Variants in PLEKHG1 observed in about 807,000 individuals in gnomAD.
PLEKHG1 encodes pleckstrin homology and RhoGEF domain containing G1, also known as pleckstrin homology domain-containing family G member 1.
In PLEKHG1, 44 loss-of-function variants were observed where a neutral mutation model predicts 100.8. The observed-to-expected ratio is 0.44, with a 90% CI of 0.34 to 0.56. The LOEUF is 0.56. Among genes scored for constraint, PLEKHG1 ranks in the 20% least tolerant of loss-of-function variants. The probability of loss-of-function intolerance (pLI) is 0.01; values close to 1 mark genes in which losing one functional copy is unlikely to be tolerated. For missense variants in PLEKHG1, 1,545 were observed against 1,720.9 expected (o/e 0.90, Z 1.81); for synonymous variants, 640 against 662.5 (o/e 0.97, Z 0.52).
intron 4 of PLEKHG1, among the ~76,000 whole-genome samples, chr6:150,788,118 T>G (rs1785743382): frequency 6.6e-6 from 1 of 152,236 alleles, no homozygotes; most frequent in Non-Finnish European, 1.5e-5. Flanking sequence ...ATTATTCACA[T>G]AAAAGTTTGT....
chr6:150,654,087 C>G (rs965217114), intron 3 of PLEKHG1, among the ~76,000 whole-genome samples: 2 of 152,180 alleles, frequency 1.3e-5, no homozygotes, highest in Non-Finnish European at 2.9e-5. Flanking sequence ...GTTTCACCTA[C>G]CCTGGTTATT....
At chr6:150,766,266 C>T (rs1044400061) in intron 2 of PLEKHG1, among the ~76,000 whole-genome samples, 23 of 152,300 alleles carry the variant, frequency 1.5e-4, no homozygotes, top group African/African-American at 5.5e-4. Flanking sequence ...TAGTTGTTAA[C>T]AGCAGGGTAA....
chr6:150,612,146 A>G (rs1225287525), intron 1 of PLEKHG1, among the ~76,000 whole-genome samples: 1 of 145,306 alleles, frequency 6.9e-6, no homozygotes, highest in African/African-American at 2.5e-5. Context: ...CCAGTCAGTT[A>G]GCAATAACTG....
At chr6:150,677,331 C>CT (rs2128587775) in intron 3 of PLEKHG1, among the ~76,000 whole-genome samples, 1 of 152,054 alleles carries the variant, frequency 6.6e-6, no homozygotes, top group East Asian at 1.9e-4. Context: ...CCACCAGTTT[C>CT]TACCCTACTG....
chr6:150,692,670 A>T (rs562184485), intron 3 of PLEKHG1, among the ~76,000 whole-genome samples: 1 of 152,260 alleles, frequency 6.6e-6, no homozygotes, highest in Non-Finnish European at 1.5e-5. Context: ...AAGGGAGAGT[A>T]TAGAGTAAGC....
intron 10 of PLEKHG1, among the ~76,000 whole-genome samples, chr6:150,810,875 C>T (rs962390848): frequency 8.6e-5 from 13 of 151,456 alleles, no homozygotes; most frequent in Admixed American, 1.3e-4. Context: ...AAGCCGAGAT[C>T]GTGCCATTGC....
chr6:150,693,059 G>T (rs971560599), intron 3 of PLEKHG1, among the ~76,000 whole-genome samples: 2 of 152,116 alleles, frequency 1.3e-5, no homozygotes, highest in East Asian at 1.9e-4. Context: ...CTGTTCCTGC[G>T]GTTGGATCAC....
intron 1 of PLEKHG1, among the ~76,000 whole-genome samples, chr6:150,636,566 C>T (rs938951236): frequency 4.6e-5 from 7 of 151,992 alleles, no homozygotes; most frequent in African/African-American, 1.7e-4. Context: ...AGACATGGCC[C>T]CTGGACAGGA....
rs183178028 is a variant in PLEKHG1, at chr6:150,750,919, G to C, written c.411+16827G>C. 1.7e-3 allele frequency among the ~76,000 whole-genome samples: 262 copies of C among 152,212 alleles called. 1 individual carries two copies. The highest frequency in any genetic ancestry group is 3.1e-3 in the Non-Finnish European group (212 of 68,014). ...GGCCCAGCCATTTCCCTGTTTGACTGGACAAGTTACTAAACTTTTCAATTT... is the reference window on the plus strand; with the variant it reads ...GGCCCAGCCATTTCCCTGTTTGACTCGACAAGTTACTAAACTTTTCAATTT... On this transcript the variant is annotated intron_variant, in intron 2 of 15. Coordinates refer to ENST00000358517, the Ensembl canonical transcript of PLEKHG1.
intron 3 of PLEKHG1, among the ~76,000 whole-genome samples, chr6:150,703,974 G>A (rs1780903980): frequency 6.6e-6 from 1 of 152,168 alleles, no homozygotes; most frequent in East Asian, 1.9e-4. Context: ...AGTCTTTTCA[G>A]TTTGACATAG....
intron 1 of PLEKHG1, among the ~76,000 whole-genome samples, chr6:150,604,948 G>A (rs1776527506): frequency 6.6e-6 from 1 of 152,168 alleles, no homozygotes; most frequent in Admixed American, 6.5e-5. Context: ...TGTATACCCT[G>A]TGTCCTTGCC....
chr6:150,609,057 A>T (rs1354435254), intron 1 of PLEKHG1, among the ~76,000 whole-genome samples: 1 of 152,232 alleles, frequency 6.6e-6, no homozygotes, highest in Non-Finnish European at 1.5e-5. Context: ...TAGGTGTTAG[A>T]AGAAGGGCGT....
At position 150,683,402 on chromosome 6, in the gene PLEKHG1, G is replaced by A. The variant is rs999260482; in HGVS notation, c.-99+32616G>A. On this transcript the variant is annotated intron_variant, in intron 3 of 3. Transcript: ENST00000367326. The surrounding 1 kb of genome is among the most constrained non-coding windows in gnomAD (Gnocchi z 4.0). ...TGTATATTACAATAAGACAGGTTCC[G>A]GAGGGAAATGACTTCATGGGCTCAC... 2.0e-5 allele frequency among the ~76,000 whole-genome samples: 3 copies of A among 151,856 alleles called. No individual in the cohort carries two copies. Among genetic ancestry groups the A allele is most frequent in the East Asian group, 1.9e-4 (1 of 5,132 alleles).
At chr6:150,735,565 A>G (rs975551844) in intron 2 of PLEKHG1, among the ~76,000 whole-genome samples, 3 of 152,246 alleles carry the variant, frequency 2.0e-5, no homozygotes, top group African/African-American at 4.8e-5. Flanking sequence ...GTAAAAATAG[A>G]AAAGTCAATT....
At chr6:150,825,354 T>TCC (rs1776538072) in intron 14 of PLEKHG1, among the ~76,000 whole-genome samples, 1 of 152,048 alleles carries the variant, frequency 6.6e-6, no homozygotes, top group Non-Finnish European at 1.5e-5. Context: ...GGTTGGCAGA[T>TCC]CACTTTGAGC....
At chr6:150,810,543 A>AAAGAAAGAAAAAGAAAGAAAGAAAGG (rs754046929) in intron 10 of PLEKHG1, among the ~76,000 whole-genome samples, 2 of 146,818 alleles carry the variant, frequency 1.4e-5, no homozygotes, top group Non-Finnish European at 3.0e-5. Context: ...AGAAAGGAAG[A>AAAGAAAGAAAAAGAAAGAAAGAAAGG]AAGGAAGGAA....
At chr6:150,674,617 T>TTTCTC (rs1779676542) in intron 3 of PLEKHG1, among the ~76,000 whole-genome samples, 1 of 130,904 alleles carries the variant, frequency 7.6e-6, no homozygotes, top group South Asian at 2.8e-4. Flanking sequence ...CACCTGTAAC[T>TTTCTC]TTCTCTCTCT....
chr6:150,734,193 C>T (rs1782446601), intron 2 of PLEKHG1, 101 bp downstream of exon 3: 5 of 1,156,394 alleles, frequency 4.3e-6, no homozygotes, highest in Admixed American at 4.4e-5. Context: ...TTCTAAGAGG[C>T]GGAAGGGATG....
chr6:150,804,895 A>G (rs1786965610), intron 7 of PLEKHG1, among the ~76,000 whole-genome samples, 154 bp downstream of exon 8: 1 of 151,846 alleles, frequency 6.6e-6, no homozygotes, highest in Admixed American at 6.6e-5. Flanking sequence ...AGTAATACCC[A>G]TCATTGTCTA....
Sources: gnomAD v4.1 joint callset for allele counts (sites outside exome capture counted in the v4.1 genomes callset) on GRCh38, gnomAD v4.1.1 for gene constraint, Gnocchi (gnomAD v3.1) non-coding constraint, MANE v1.5 for transcripts, NCBI Gene and HGNC (gene_info 2026-07-23, HGNC 2026-07-21) for gene names.